The following ANK3 variants were observed in gnomAD, a reference collection of about 807,000 sequenced individuals.
ANK3 encodes the protein ankyrin-3.
In ANK3, 57 loss-of-function variants were observed where a neutral mutation model predicts 370.9. The observed-to-expected ratio is 0.15, with a 90% confidence interval of 0.12 to 0.19. The LOEUF (loss-of-function observed/expected upper bound fraction) is 0.19, where lower values mean the gene tolerates loss of function less well. Among genes scored for constraint, ANK3 ranks in the 10% least tolerant of loss-of-function variants. ANK3 has a pLI of 1.00. For synonymous variants in ANK3, 1,929 were observed against 1,946.3 expected, an observed-to-expected ratio of 0.99 and a Z score of 0.23; for missense variants, 4,439 against 5,302.1, an observed-to-expected ratio of 0.84 and a Z score of 5.06.
At chr10:60,137,254 A>G (rs897780250) in intron 24 of ANK3, 3 of 270,684 alleles carry the variant, frequency 1.1e-5, no homozygotes, top group Admixed American at 4.8e-5. Context: ...ATCACAGCAC[A>G]TCACATTACA....
intron 7 of ANK3, among the ~76,000 whole-genome samples, chr10:60,244,934 C>T (rs1014487563): frequency 6.6e-6 from 1 of 152,164 alleles, no homozygotes; most frequent in African/African-American, 2.4e-5. Flanking sequence ...CTTTGGGAGG[C>T]CGAGGCGGGC....
At chr10:60,412,671 T>C (rs1277297121) in intron 2 of ANK3, among the ~76,000 whole-genome samples, 1 of 152,242 alleles carries the variant, frequency 6.6e-6, no homozygotes, top group East Asian at 1.9e-4. Context: ...ATTAGGAAGC[T>C]TTAGCCATAG....
intron 2 of ANK3, among the ~76,000 whole-genome samples, chr10:60,544,355 T>A (rs978977023): frequency 1.3e-5 from 2 of 152,136 alleles, no homozygotes; most frequent in African/African-American, 4.8e-5. Context: ...CTCTGGGAAG[T>A]AAAGAAGAGT....
rs376635747 is a variant in ANK3 at position 60,068,748 on chromosome 10, C to T, written c.12133G>A (p.Gly4045Ser). 3.1e-6 allele frequency: 5 copies of T among 1,614,156 alleles called. No homozygotes were observed. The African/African-American group carries it at 6.7e-5, about 22-fold the overall frequency. The change falls in exon 37 of 44, where the codon GGC becomes AGC. Residue 4045 changes from glycine (G) to serine (S), a missense_variant. Around this residue, in one of 13 missense-constraint regions of ANK3, gnomAD observed 496 missense variants for 529.3 expected, o/e 0.94. Coordinates refer to ENST00000280772, the MANE Select transcript of ANK3 (RefSeq NM_020987.5). The part of the protein sequence containing the change: ...NTSLSETSRG[G>S]QPSVTTKSAR... ...GACTTCGTTGTAACCGAAGGCTGGC[C>T]ACCCCGGGAAGTCTCGGACAACGAC...
chr10:60,234,837 AC>A, intron 7 of ANK3, 51 bp from the exon 8 acceptor site: 2 of 1,263,832 alleles, frequency 1.6e-6, no homozygotes, highest in Non-Finnish European at 2.3e-6. Flanking sequence ...TTTCAACAAA[AC>A]GTTCCTTTCT....
At position 60,407,735 on chromosome 10, in the gene ANK3, A is replaced by C. The variant is rs116766973; in HGVS notation, c.97-128096T>G. Among the ~76,000 whole-genome samples, 1,471 of 152,328 alleles carry C rather than the reference A, an allele frequency of 9.7e-3. 36 individuals are homozygous for C. The highest frequency in any genetic ancestry group is 0.034 in the African/African-American group (1,415 of 41,564). On this transcript the variant is annotated intron_variant, in intron 2 of 43. Coordinates refer to the ANK3 transcript ENST00000373827. ...ATTAAATGACTTTCACATAGGGCTCAGAAATGGCACAGATCAGATATAGCA... is the reference window on the plus strand; with the variant it reads ...ATTAAATGACTTTCACATAGGGCTCCGAAATGGCACAGATCAGATATAGCA...
chr10:60,437,292 A>G (rs76215214), intron 2 of ANK3, among the ~76,000 whole-genome samples: 2 of 151,758 alleles, frequency 1.3e-5, no homozygotes, highest in African/African-American at 4.9e-5. Context: ...ATGAAGGATT[A>G]AAAAAAAATT....
At chr10:60,681,397 T>C (rs1444460577) in intron 1 of ANK3, among the ~76,000 whole-genome samples, 1 of 152,186 alleles carries the variant, frequency 6.6e-6, no homozygotes, top group Non-Finnish European at 1.5e-5. Context: ...ACCTCCCACA[T>C]GGGCACAGGT....
chr10:60,129,749 TCA>T (rs3045374), intron 25 of ANK3, among the ~76,000 whole-genome samples: 50,340 of 150,924 alleles, frequency 0.33, 9,568 homozygotes, highest in Non-Finnish European at 0.44. Context: ...TGAGACTCTG[TCA>T]CACACACACA....
chr10:60,122,514 C>T (rs2132140156), intron 25 of ANK3, among the ~76,000 whole-genome samples: 1 of 152,350 alleles, frequency 6.6e-6, no homozygotes, highest in East Asian at 1.9e-4. Flanking sequence ...CTTATCTTTA[C>T]TTATTGAAAG....
intron 1 of ANK3, among the ~76,000 whole-genome samples, chr10:60,357,138 T>G (rs2057886754): frequency 6.6e-6 from 1 of 152,190 alleles, no homozygotes; most frequent in South Asian, 2.1e-4. Context: ...TCTTTGCAGC[T>G]TCAACATTCA....
intron 1 of ANK3, among the ~76,000 whole-genome samples, chr10:60,363,080 G>A (rs10994315): frequency 0.4 from 57,232 of 144,414 alleles, 11,976 homozygotes; most frequent in Middle Eastern, 0.5. Context: ...TGCGGCGGGC[G>A]GGCGGGGGAG....
Position 60,074,698 on chromosome 10 carries a change from C to T in ANK3, c.6183G>A (p.Glu2061=), listed in dbSNP as rs2083404246. ...GTTTTAAAACTCTTTTCTGTCTCTC[C>T]TCACCATCCTTCTTTGCATCCTCAA... ...YKFEDAKKDG[E]ERQKRVLKPA... is the part of the protein sequence containing the mutation. The change falls in exon 37 of 44, where the codon GAG becomes GAA. Residue 2061 remains glutamate (E), a synonymous_variant. Transcript: ENST00000280772. The T allele has an allele frequency of 1.2e-6, 2 of 1,613,390 alleles. No individual in the cohort carries two copies. Among genetic ancestry groups the T allele is most frequent in the Admixed American group, 3.3e-5 (2 of 59,878 alleles).
At chr10:60,109,115 T>C in intron 26 of ANK3, 61 bp from the exon 27 acceptor site, 1 of 1,354,380 alleles carries the variant, frequency 7.4e-7, no homozygotes, top group Middle Eastern at 2.6e-4. Context: ...CACAGCAAGT[T>C]TGGAAATTAA....
intron 18 of ANK3, among the ~76,000 whole-genome samples, chr10:60,175,991 AG>A (rs1337868045): frequency 1.3e-5 from 2 of 152,270 alleles, no homozygotes; most frequent in African/African-American, 4.8e-5. Flanking sequence ...GCATATCATC[AG>A]TGCTCAATAA....
chr10:60,488,434 C>G (rs57308365), intron 2 of ANK3, among the ~76,000 whole-genome samples: 5,698 of 152,238 alleles, frequency 0.037, 358 homozygotes, highest in African/African-American at 0.13. Flanking sequence ...ACATCCTATA[C>G]AACTCACCCA....
At chr10:60,693,105 C>T (rs2079381200) in intron 1 of ANK3, among the ~76,000 whole-genome samples, 1 of 152,198 alleles carries the variant, frequency 6.6e-6, no homozygotes, top group African/African-American at 2.4e-5. Context: ...CGCAAGGGGT[C>T]AGGGAGTTCC....
At chr10:60,693,627 C>T (rs1004600941) in intron 1 of ANK3, among the ~76,000 whole-genome samples, 3 of 152,212 alleles carry the variant, frequency 2.0e-5, no homozygotes, top group Non-Finnish European at 2.9e-5. Flanking sequence ...GAGGCACCCC[C>T]CAGCAGGGGC....
intron 2 of ANK3, among the ~76,000 whole-genome samples, chr10:60,523,783 CAG>C (rs1165269038): frequency 6.6e-6 from 1 of 151,854 alleles, no homozygotes; most frequent in Non-Finnish European, 1.5e-5. Flanking sequence ...GGTCAAATGG[CAG>C]AGATACACAT....
Sources: gnomAD v4.1 joint callset for allele counts (sites outside exome capture counted in the v4.1 genomes callset) on GRCh38, gnomAD v4.1.1 for gene constraint, gnomAD v4.1.1 regional missense constraint, MANE v1.5 for transcripts, NCBI Gene and HGNC (gene_info 2026-07-23, HGNC 2026-07-21) for gene names.